LHFPL3: variants seen among roughly 807,000 people sequenced by gnomAD.
LHFPL3 encodes LHFPL tetraspan subfamily member 3 protein.
Under a neutral mutation model 19.3 loss-of-function variants are expected in LHFPL3, and 5 were observed. That is an observed-to-expected ratio of 0.26 (90% CI 0.14 to 0.54). The LOEUF (loss-of-function observed/expected upper bound fraction) is 0.54, where lower values mean the gene tolerates loss of function less well. LHFPL3 is among the 20% of genes least tolerant of loss of function. The pLI, the probability that LHFPL3 is intolerant of heterozygous loss-of-function variation, is 0.94. For synonymous variants in LHFPL3, 133 were observed against 126.2 expected, an observed-to-expected ratio of 1.05 and a Z score of -0.36; for missense variants, 249 against 307.4, an observed-to-expected ratio of 0.81 and a Z score of 1.42.
At chr7:104,357,831 C>G (rs1790311985) in intron 1 of LHFPL3, among the ~76,000 whole-genome samples, 2 of 152,128 alleles carry the variant, frequency 1.3e-5, no homozygotes, top group Admixed American at 1.3e-4. Flanking sequence ...CATCTCAGTT[C>G]TGCTCTTAAG....
At chr7:104,648,888 T>G (rs1400729776) in intron 1 of LHFPL3, among the ~76,000 whole-genome samples, 2 of 152,224 alleles carry the variant, frequency 1.3e-5, no homozygotes, top group Non-Finnish European at 2.9e-5. Context: ...CATAAGAATA[T>G]TTAATTCTGT....
Position 104,489,319 on chromosome 7 carries a change from G to C in LHFPL3, c.445+160095G>C, listed in dbSNP as rs1202257360. Reference sequence around the variant, plus strand: ...GGGATGGTCTCGATCTCCTGACCTCGTGATCCGCCCGCCTCGGCCTCCCAA... The same window carrying C: ...GGGATGGTCTCGATCTCCTGACCTCCTGATCCGCCCGCCTCGGCCTCCCAA... On this transcript the variant is annotated intron_variant, in intron 1 of 2. Coordinates refer to ENST00000424859, the MANE Select transcript of LHFPL3 (RefSeq NM_199000.3). 5.4e-5 allele frequency among the ~76,000 whole-genome samples: 8 copies of C among 148,608 alleles called. 2 individuals carry two copies. The East Asian group carries it at 1.6e-3, about 29-fold the overall frequency.
intron 2 of LHFPL3, among the ~76,000 whole-genome samples, chr7:104,841,478 C>T (rs975830951): frequency 1.6e-5 from 2 of 124,176 alleles, no homozygotes; most frequent in African/African-American, 3.0e-5. Context: ...ATATGTATTA[C>T]GATGCATTAT....
intron 2 of LHFPL3, among the ~76,000 whole-genome samples, chr7:104,841,493 G>GTAT (rs372610653): frequency 7.1e-6 from 1 of 140,836 alleles, no homozygotes; most frequent in Non-Finnish European, 1.5e-5. Context: ...CATTATGTGG[G>GTAT]GTGTGTGTGT....
chr7:104,743,766 G>C (rs921772163), intron 2 of LHFPL3, among the ~76,000 whole-genome samples: 4 of 152,154 alleles, frequency 2.6e-5, no homozygotes, highest in African/African-American at 9.7e-5. Flanking sequence ...TTGGATGCAA[G>C]ACTCAAACAC....
rs1790156214 is a variant in LHFPL3 at position 104,797,521 on chromosome 7, A to T, written c.682+60610A>T. On this transcript the variant is annotated intron_variant, in intron 2 of 2. Transcript: ENST00000424859. ...ATGAGGAGCATGGAGCAGAGCCCCCAGTCAGCCCATGATGGAGATGAGCAA... is the reference window on the plus strand; with the variant it reads ...ATGAGGAGCATGGAGCAGAGCCCCCTGTCAGCCCATGATGGAGATGAGCAA... 2.6e-5 allele frequency among the ~76,000 whole-genome samples: 4 copies of T among 152,182 alleles called. No individual in the cohort carries two copies. In the South Asian group the frequency reaches 6.2e-4, roughly 24 times the overall value.
At chr7:104,479,327 G>C (rs1793084590) in intron 1 of LHFPL3, among the ~76,000 whole-genome samples, 1 of 151,920 alleles carries the variant, frequency 6.6e-6, no homozygotes, top group African/African-American at 2.4e-5. Flanking sequence ...TGTTAATCCT[G>C]CAAGTTCTAT....
rs564615196 is a variant in LHFPL3 at position 104,732,023 on chromosome 7, C to T, written c.446-4652C>T. ...TTGGTTCTGTTTATATGATGGATTA[C>T]GTTTATTGATTTGCATATATTGAAC... On this transcript the variant is annotated intron_variant, in intron 1 of 2. Coordinates refer to ENST00000424859, the MANE Select transcript of LHFPL3 (RefSeq NM_199000.3). 7.8e-3 allele frequency among the ~76,000 whole-genome samples: 1,181 copies of T among 152,190 alleles called. 12 individuals are homozygous for T. Among genetic ancestry groups the T allele is most frequent in the Non-Finnish European group, 0.013 (896 of 68,008 alleles).
chr7:104,859,992 A>G (rs1791583956), intron 2 of LHFPL3, among the ~76,000 whole-genome samples: 1 of 152,176 alleles, frequency 6.6e-6, no homozygotes, highest in South Asian at 2.1e-4. Context: ...CTGCAAACCT[A>G]AAACTACTCT....
intron 1 of LHFPL3, among the ~76,000 whole-genome samples, chr7:104,369,623 G>A (rs997571759): frequency 4.6e-5 from 7 of 152,168 alleles, no homozygotes; most frequent in African/African-American, 1.7e-4. Flanking sequence ...TCTGGAGTGG[G>A]TGTACAATTT....
intron 1 of LHFPL3, among the ~76,000 whole-genome samples, chr7:104,713,064 A>G (rs1391067366): frequency 6.6e-6 from 1 of 152,184 alleles, no homozygotes; most frequent in Non-Finnish European, 1.5e-5. Flanking sequence ...ATCAGTACCA[A>G]GGCCTAGATC....
intron 1 of LHFPL3, among the ~76,000 whole-genome samples, chr7:104,554,702 A>G (rs1182191845): frequency 6.7e-6 from 1 of 149,090 alleles, no homozygotes; most frequent in South Asian, 2.1e-4. Context: ...CAGACAGATG[A>G]TGAGAGGGGA....
chr7:104,852,025 C>T (rs1484335414), intron 2 of LHFPL3, among the ~76,000 whole-genome samples: 1 of 152,014 alleles, frequency 6.6e-6, no homozygotes, highest in Non-Finnish European at 1.5e-5. Context: ...GCTTCTGTTA[C>T]TTCCACCAAC....
In LHFPL3 at chr7:104,581,190, G is replaced by A. The variant is rs747995191; in HGVS notation, c.446-155485G>A. On this transcript the variant is annotated intron_variant, in intron 1 of 2. Coordinates refer to ENST00000424859, the MANE Select transcript of LHFPL3 (RefSeq NM_199000.3). ...TGCCCCACATCTTTGCCAAAATTTG[G>A]TATTGTCTAGTCTTTTGAATTTTAG... 2.6e-4 allele frequency among the ~76,000 whole-genome samples: 40 copies of A among 152,066 alleles called. 1 individual carries two copies. In the Middle Eastern group the frequency reaches 0.014, roughly 52 times the overall value.
chr7:104,771,727 A>AAAAT (rs1240966021), intron 2 of LHFPL3, among the ~76,000 whole-genome samples: 6 of 151,600 alleles, frequency 4.0e-5, no homozygotes, highest in African/African-American at 1.2e-4. Context: ...CTCTCCAGTG[A>AAAAT]AAATAAGAGA....
intron 1 of LHFPL3, among the ~76,000 whole-genome samples, chr7:104,450,461 A>G (rs1404273877): frequency 6.6e-6 from 1 of 152,158 alleles, no homozygotes; most frequent in Non-Finnish European, 1.5e-5. Context: ...TTCTGAGCAA[A>G]CTAACACAAG....
chr7:104,650,764 C>A (rs1441907940), intron 1 of LHFPL3, among the ~76,000 whole-genome samples: 1 of 152,130 alleles, frequency 6.6e-6, no homozygotes, highest in East Asian at 1.9e-4. Context: ...CTGTCCTAGG[C>A]ACTGTGGGGA....
intron 2 of LHFPL3, among the ~76,000 whole-genome samples, chr7:104,872,838 G>A (rs945086459): frequency 6.6e-6 from 1 of 152,148 alleles, no homozygotes; most frequent in African/African-American, 2.4e-5. Flanking sequence ...TTTTCAGTAA[G>A]TAGGAGTACA....
intron 1 of LHFPL3, among the ~76,000 whole-genome samples, chr7:104,413,362 C>G (rs886090319): frequency 6.6e-6 from 1 of 152,200 alleles, no homozygotes; most frequent in East Asian, 1.9e-4. Flanking sequence ...CTTTGGTTCC[C>G]CTTCTCTGAA....
Sources: gnomAD v4.1 joint callset for allele counts (sites outside exome capture counted in the v4.1 genomes callset) on GRCh38, gnomAD v4.1.1 for gene constraint, MANE v1.5 for transcripts, NCBI Gene and HGNC (gene_info 2026-07-23, HGNC 2026-07-21) for gene names.